The following CFAP45 variants were observed in gnomAD, a reference collection of about 807,000 sequenced individuals.
The protein encoded by CFAP45 is cilia- and flagella-associated protein 45.
In CFAP45, 43 loss-of-function variants were observed where a neutral mutation model predicts 75.6. That is an observed-to-expected ratio of 0.57 (90% CI 0.45 to 0.73). The LOEUF (loss-of-function observed/expected upper bound fraction) is 0.73. Ranked by LOEUF, CFAP45 falls within the 30% of genes least tolerant of loss-of-function variation. The pLI, the probability that CFAP45 is intolerant of heterozygous loss-of-function variation, is 0.00. For synonymous variants in CFAP45, 223 were observed against 244.6 expected (o/e 0.91, Z 0.82); for missense variants, 689 against 701.5 (o/e 0.98, Z 0.20).
rs1396100680 is a variant in CFAP45 at position 159,887,958 on chromosome 1, G to C, written c.471C>G (p.Asn157Lys). 2 of 1,614,196 alleles carry C rather than the reference G, an allele frequency of 1.2e-6. No homozygotes were observed. The highest frequency in any genetic ancestry group is 2.2e-5 in the South Asian group (2 of 91,084). ...KIMKQKEMVW[N>K]NNKKLSDLEE... ...CCAGGTCACTGAGCTTCTTGTTGTT[G>C]TTCCACACCATCTCCTTCTGTTTCA... The change falls in exon 5 of 12, where the codon AAC becomes AAG. Residue 157 changes from asparagine (N) to lysine (K), a missense_variant. Physicochemically the swap from Asn to Lys is moderately conservative, Grantham distance 94. Coordinates refer to ENST00000368099, the MANE Select transcript of CFAP45 (RefSeq NM_012337.3).
rs770505708 is a variant in CFAP45 at position 159,876,629 on chromosome 1, G to A, written c.1279C>T (p.Gln427Ter). 1 of 1,614,170 alleles carries A rather than the reference G, an allele frequency of 6.2e-7. No homozygotes were observed. The highest frequency in any genetic ancestry group is 8.5e-7 in the Non-Finnish European group (1 of 1,180,030). ...EAELRKSRLE[Q>*]VAFKEHALAV... ...AGAGCGTGCTCCTTGAAAGCCACCT[G>A]TTCGAGCCGACTTTTTCGCAGCTCA... is the stretch of plus-strand genomic sequence containing the variant. Residue 427 changes from glutamine (Q) to a stop codon, truncating the protein, a stop_gained, in exon 10 of 12, where the codon CAG (glutamine) becomes TAG (stop). Transcript: ENST00000368099. LOFTEE classifies it high-confidence loss of function.
At chr1:159,875,384 C>T (rs945720783) in intron 10 of CFAP45, among the ~76,000 whole-genome samples, 1 of 138,710 alleles carries the variant, frequency 7.2e-6, no homozygotes, top group Non-Finnish European at 1.6e-5. Context: ...CATGGCACAA[C>T]CCTGGGGGCA....
chr1:159,895,798 G>A (rs1328560672), intron 1 of CFAP45, among the ~76,000 whole-genome samples: 1 of 152,260 alleles, frequency 6.6e-6, no homozygotes, highest in East Asian at 1.9e-4. Context: ...AGGTGGGATT[G>A]AGGCTAAGCA....
intron 10 of CFAP45, among the ~76,000 whole-genome samples, chr1:159,875,884 GC>G (rs1649387831): frequency 6.6e-6 from 1 of 152,194 alleles, no homozygotes; most frequent in Admixed American, 6.5e-5. Flanking sequence ...TGAACATTTA[GC>G]TTCCACTTAT....
chr1:159,895,493 G>T (rs1032712643), intron 1 of CFAP45, among the ~76,000 whole-genome samples: 2 of 152,154 alleles, frequency 1.3e-5, no homozygotes, highest in African/African-American at 4.8e-5. Context: ...TTTCACACTC[G>T]ATTGGACAAT....
chr1:159,880,824 C>T, intron 7 of CFAP45, 124 bp from the exon 8 acceptor site: 1 of 819,944 alleles, frequency 1.2e-6, no homozygotes, highest in South Asian at 2.0e-5. Flanking sequence ...CTAGTGTCCA[C>T]AACTATCCTT....
chr1:159,892,545 C>A (rs1350127304), intron 2 of CFAP45, among the ~76,000 whole-genome samples: 3 of 152,168 alleles, frequency 2.0e-5, no homozygotes, highest in Admixed American at 6.5e-5. Flanking sequence ...TTCTCTTAAT[C>A]TCTCACTGCC....
chr1:159,873,421 GC>G (rs1649327205), intron 10 of CFAP45: 1 of 549,380 alleles, frequency 1.8e-6, no homozygotes, highest in Admixed American at 3.2e-5. Context: ...GCTTAGAAGG[GC>G]CCCCAGCTTG....
intron 1 of CFAP45, among the ~76,000 whole-genome samples, chr1:159,896,055 G>C (rs1457213051): frequency 1.3e-5 from 2 of 152,196 alleles, no homozygotes; most frequent in East Asian, 3.8e-4. Flanking sequence ...TCCAGATCAC[G>C]TATGTGGTCT....
intron 7 of CFAP45, among the ~76,000 whole-genome samples, chr1:159,881,873 T>C (rs1649558910): frequency 6.6e-6 from 1 of 152,198 alleles, no homozygotes; most frequent in Admixed American, 6.5e-5. Flanking sequence ...ACTCCTTAAG[T>C]TCTTCTATTG....
At chr1:159,879,264 C>T (rs1435749654) in intron 8 of CFAP45, among the ~76,000 whole-genome samples, 1 of 152,164 alleles carries the variant, frequency 6.6e-6, no homozygotes, top group Non-Finnish European at 1.5e-5. Flanking sequence ...TATCCACTAC[C>T]AACCCTCTGC....
chr1:159,879,745 TC>T (rs909415061), intron 8 of CFAP45, among the ~76,000 whole-genome samples: 1 of 152,068 alleles, frequency 6.6e-6, no homozygotes, highest in Non-Finnish European at 1.5e-5. Context: ...ACTCACACCC[TC>T]CCCCTGGCCT....
chr1:159,895,742 C>T (rs558760454), intron 1 of CFAP45, among the ~76,000 whole-genome samples: 45 of 152,324 alleles, frequency 3.0e-4, no homozygotes, highest in African/African-American at 1.0e-3. Flanking sequence ...TACGGCTCCC[C>T]TTTCCACCAA....
chr1:159,889,380 C>T (rs1211419255), intron 3 of CFAP45, among the ~76,000 whole-genome samples: 2 of 152,060 alleles, frequency 1.3e-5, no homozygotes, highest in Non-Finnish European at 2.9e-5. Context: ...GAAGTGAAAC[C>T]TCATCTAATA....
chr1:159,884,157 A>C (rs965244053), intron 7 of CFAP45, among the ~76,000 whole-genome samples: 1 of 152,246 alleles, frequency 6.6e-6, no homozygotes, highest in African/African-American at 2.4e-5. Context: ...GCATGCAGCC[A>C]TATATTTCCT....
chr1:159,895,734 C>T (rs891484087), intron 1 of CFAP45, among the ~76,000 whole-genome samples: 5 of 152,162 alleles, frequency 3.3e-5, no homozygotes, highest in East Asian at 1.9e-4. Context: ...TGGTGAGCTA[C>T]GGCTCCCCTT....
Position 159,887,975 on chromosome 1 carries a change from T to C in CFAP45, c.454A>G (p.Lys152Glu), listed in dbSNP as rs757774771. The change falls in exon 5 of 12, where the codon AAG (lysine) becomes GAG (glutamate). Residue 152 changes from lysine to glutamate, a missense_variant. Physicochemically the swap from Lys to Glu is moderately conservative, Grantham distance 56. Transcript: ENST00000368099. ...VMTRKKIMKQ[K>E]EMVWNNNKKL... Reference sequence around the variant, plus strand: ...TTGTTGTTGTTCCACACCATCTCCTTCTGTTTCATGATCTTCTTTCGTGTC... The same window carrying C: ...TTGTTGTTGTTCCACACCATCTCCTCCTGTTTCATGATCTTCTTTCGTGTC... 9.3e-6 allele frequency: 15 copies of C among 1,614,066 alleles called. No homozygotes were observed. The highest frequency in any genetic ancestry group is 1.7e-5 in the Admixed American group (1 of 60,008).
At chr1:159,888,960 G>A (rs11265293) in intron 3 of CFAP45, among the ~76,000 whole-genome samples, 14,402 of 152,070 alleles carry the variant, frequency 0.095, 750 homozygotes, top group South Asian at 0.18. Context: ...CATAGCGCTT[G>A]GTACAGAGTG....
chr1:159,872,896 CT>C (rs746058041), intron 11 of CFAP45, 47 bp downstream of exon 11: 49 of 1,569,848 alleles, frequency 3.1e-5, no homozygotes, highest in Non-Finnish European at 4.3e-5. Flanking sequence ...GGTGCCATCT[CT>C]TTGCGGGAGG....
Sources: allele counts gnomAD v4.1 joint callset (sites outside exome capture counted in the v4.1 genomes callset), GRCh38; gene constraint gnomAD v4.1.1; transcripts MANE v1.5; gene names NCBI Gene and HGNC (gene_info 2026-07-23, HGNC 2026-07-21).